Variants in CR1 observed in about 807,000 individuals in gnomAD.
The protein encoded by CR1 is complement C3b/C4b receptor 1 (Knops blood group).
In CR1, 116 loss-of-function variants were observed where a neutral mutation model predicts 187.3. That is an observed-to-expected ratio of 0.62 (90% CI 0.53 to 0.72). The LOEUF (loss-of-function observed/expected upper bound fraction) is 0.72. CR1 is among the 30% of genes least tolerant of loss of function. The pLI is 0.00. For missense variants in CR1, 1,731 were observed against 2,110.7 expected (o/e 0.82, Z 3.52); for synonymous variants, 576 against 747.1 (o/e 0.77, Z 3.73).
chr1:207,597,218 A>G (rs1661474067), intron 35 of CR1, among the ~76,000 whole-genome samples: 1 of 152,078 alleles, frequency 6.6e-6, no homozygotes. Context: ...GAATTGTTAA[A>G]TAAATAAAAA....
intron 35 of CR1, among the ~76,000 whole-genome samples, chr1:207,597,144 A>G (rs551641006): frequency 2.2e-4 from 34 of 151,228 alleles, no homozygotes; most frequent in Non-Finnish European, 4.0e-4. Flanking sequence ...AAAAAAAAAA[A>G]CAAACTCCAT....
intron 37 of CR1, among the ~76,000 whole-genome samples, chr1:207,610,786 T>TGTTTG (rs1474799464): frequency 6.6e-6 from 1 of 152,190 alleles, no homozygotes; most frequent in African/African-American, 2.4e-5. Context: ...TTTGTTTATT[T>TGTTTG]TTAATTTATT....
chr1:207,572,850 C>T (rs545772771), intron 27 of CR1, among the ~76,000 whole-genome samples: 40 of 149,012 alleles, frequency 2.7e-4, no homozygotes, highest in African/African-American at 9.2e-4. Context: ...CAGCAGAACT[C>T]CAATTTCTGT....
At chr1:207,580,810 C>T (rs1025321793) in intron 31 of CR1, among the ~76,000 whole-genome samples, 197 bp downstream of exon 31, 11 of 152,116 alleles carry the variant, frequency 7.2e-5, no homozygotes, top group Admixed American at 1.3e-4. Flanking sequence ...GAAAAAATGG[C>T]GCATATAACT....
rs767454642 is a variant in CR1, at chr1:207,607,238, T to C, written c.5811-13T>C. 15 of 1,602,686 alleles carry C rather than the reference T, an allele frequency of 9.4e-6. No individual in the cohort carries two copies. In the East Asian group the frequency reaches 3.1e-4, roughly 33 times the overall value. On this transcript the variant is annotated splice_polypyrimidine_tract_variant and intron_variant, in intron 35 of 46. Coordinates refer to ENST00000367049, the MANE Select transcript of CR1 (RefSeq NM_000651.6). ...ATGTGTAGCGTATAACCATTTTCTA[T>C]CCTTTGCTTTAGGTTTCGACTCATT... is the stretch of plus-strand genomic sequence containing the variant.
intron 33 of CR1, 47 bp downstream of exon 33, chr1:207,584,923 AC>A: frequency 6.2e-7 from 1 of 1,604,766 alleles, no homozygotes; most frequent in Non-Finnish European, 8.5e-7. Flanking sequence ...GAATATGTGG[AC>A]CCAATCCCTC....
intron 28 of CR1, 122 bp from the exon 29 acceptor site, chr1:207,577,683 T>G (rs1161438887): frequency 6.8e-7 from 1 of 1,465,226 alleles, no homozygotes; most frequent in Non-Finnish European, 9.3e-7. Flanking sequence ...GGTGGGAGGA[T>G]TGCTTGACCT....
At chr1:207,613,896 C>T (rs1357172525) in intron 39 of CR1, among the ~76,000 whole-genome samples, 1 of 152,096 alleles carries the variant, frequency 6.6e-6, no homozygotes, top group Non-Finnish European at 1.5e-5. Flanking sequence ...TTCTGTGAGC[C>T]TCCTCTGGCC....
chr1:207,631,050 C>T (rs780571543), intron 46 of CR1, among the ~76,000 whole-genome samples: 4 of 152,272 alleles, frequency 2.6e-5, no homozygotes, highest in Non-Finnish European at 5.9e-5. Context: ...TTTCTGACTT[C>T]CACTGAATTC....
intron 23 of CR1, among the ~76,000 whole-genome samples, chr1:207,565,601 T>C (rs546174545): frequency 6.7e-6 from 1 of 150,372 alleles, no homozygotes; most frequent in East Asian, 1.9e-4. Context: ...GCCTATGTCA[T>C]GACCACCTTT....
At chr1:207,519,061 T>C (rs1005684782) in intron 4 of CR1, among the ~76,000 whole-genome samples, 2 of 152,240 alleles carry the variant, frequency 1.3e-5, no homozygotes, top group African/African-American at 2.4e-5. Flanking sequence ...TTTATCATAA[T>C]GAAATGTCTC....
chr1:207,597,058 A>G (rs1661467637), intron 35 of CR1, among the ~76,000 whole-genome samples: 1 of 149,168 alleles, frequency 6.7e-6, no homozygotes. Context: ...AAATATTGAT[A>G]TAAATTTTAT....
chr1:207,610,142 G>A (rs1661878542), intron 37 of CR1, among the ~76,000 whole-genome samples: 1 of 152,016 alleles, frequency 6.6e-6, no homozygotes, highest in Non-Finnish European at 1.5e-5. Flanking sequence ...AATCAAAAAG[G>A]CCTTGGACTT....
At chr1:207,623,587 AACACACAC>A (rs55918544) in intron 45 of CR1, among the ~76,000 whole-genome samples, 26,419 of 143,766 alleles carry the variant, frequency 0.18, 2,565 homozygotes, top group South Asian at 0.35. Flanking sequence ...TACATCTCAA[AACACACAC>A]ACACACACAC....
intron 35 of CR1, 101 bp from the exon 36 acceptor site, chr1:207,607,150 C>A (rs766494384): frequency 6.8e-6 from 6 of 879,628 alleles, no homozygotes; most frequent in Non-Finnish European, 9.4e-6. Context: ...ATGGTGTAAT[C>A]TGTCCTGTAA....
At chr1:207,624,644 T>C (rs1662425619) in intron 45 of CR1, among the ~76,000 whole-genome samples, 1 of 152,186 alleles carries the variant, frequency 6.6e-6, no homozygotes, top group African/African-American at 2.4e-5. Flanking sequence ...AATTTAAATA[T>C]CCATCCTTCC....
At chr1:207,589,008 A>G (rs1424158133) in intron 35 of CR1, among the ~76,000 whole-genome samples, 1 of 152,246 alleles carries the variant, frequency 6.6e-6, no homozygotes, top group East Asian at 1.9e-4. Flanking sequence ...TTCCTGTCAA[A>G]GGTGGTACAT....
At chr1:207,512,282 A>T (rs1659648100) in intron 4 of CR1, among the ~76,000 whole-genome samples, 1 of 152,218 alleles carries the variant, frequency 6.6e-6, no homozygotes. Context: ...TCAAATGACC[A>T]TTATAAAGAA....
intron 33 of CR1, among the ~76,000 whole-genome samples, chr1:207,586,124 T>TTGTGTG (rs3219612): frequency 0.017 from 2,477 of 150,110 alleles, 53 homozygotes; most frequent in African/African-American, 0.048. Context: ...TTGTTTTGTT[T>TTGTGTG]TGTGTGTGTG....
Sources: gnomAD v4.1 joint callset for allele counts (sites outside exome capture counted in the v4.1 genomes callset) on GRCh38, gnomAD v4.1.1 for gene constraint, MANE v1.5 for transcripts, NCBI Gene and HGNC (gene_info 2026-07-23, HGNC 2026-07-21) for gene names.